Variants in CDH12 observed in about 807,000 individuals in gnomAD.
CDH12 encodes cadherin-12.
A neutral mutation model predicts 74.1 loss-of-function variants in CDH12; 41 were observed. The ratio of observed to expected loss-of-function variants is 0.55; its 90% CI spans 0.43 to 0.72. CDH12 has a LOEUF of 0.72. Ranked by LOEUF, CDH12 falls within the 30% of genes least tolerant of loss-of-function variation. CDH12 has a pLI of 0.00. For synonymous variants in CDH12, 399 were observed against 355.0 expected (o/e 1.12, Z -1.39); for missense variants, 945 against 977.2 (o/e 0.97, Z 0.44).
intron 1 of CDH12, among the ~76,000 whole-genome samples, chr5:22,525,936 A>G (rs1192231544): frequency 4.6e-5 from 7 of 152,172 alleles, no homozygotes; most frequent in African/African-American, 1.7e-4. Flanking sequence ...ATATTAGTAG[A>G]CAGAAACTTA....
chr5:22,737,169 C>T (rs1156723693), intron 1 of CDH12, among the ~76,000 whole-genome samples: 1 of 151,850 alleles, frequency 6.6e-6, no homozygotes, highest in East Asian at 1.9e-4. Flanking sequence ...TAGATATCTT[C>T]TTGTACCACG....
chr5:21,752,765 AGAAG>A (rs1158799271), intron 14 of CDH12, among the ~76,000 whole-genome samples: 4 of 151,902 alleles, frequency 2.6e-5, no homozygotes, highest in Non-Finnish European at 4.4e-5. Flanking sequence ...AAGAAAGGAA[AGAAG>A]GAAGGAAGTA....
At chr5:21,795,765 C>T (rs1249893455) in intron 10 of CDH12, among the ~76,000 whole-genome samples, 3 of 151,966 alleles carry the variant, frequency 2.0e-5, no homozygotes, top group African/African-American at 7.2e-5. Flanking sequence ...TTTCTTCTCT[C>T]TCCCAAAGTG....
At chr5:22,622,392 A>T (rs1301080725) in intron 1 of CDH12, among the ~76,000 whole-genome samples, 1 of 152,088 alleles carries the variant, frequency 6.6e-6, no homozygotes, top group African/African-American at 2.4e-5. Context: ...AATGAGGAGG[A>T]AGCTGGGAAC....
chr5:22,501,784 T>C (rs1736160935), intron 2 of CDH12, among the ~76,000 whole-genome samples: 1 of 152,050 alleles, frequency 6.6e-6, no homozygotes, highest in South Asian at 2.1e-4. Context: ...CAATTCATTT[T>C]TTGAACCCTA....
At chr5:22,214,453 G>A (rs1482961163) in intron 3 of CDH12, among the ~76,000 whole-genome samples, 2 of 152,260 alleles carry the variant, frequency 1.3e-5, no homozygotes, top group East Asian at 3.9e-4. Context: ...TGCACCTTGA[G>A]CATAAATTGT....
intron 1 of CDH12, among the ~76,000 whole-genome samples, chr5:22,702,250 C>T (rs550422639): frequency 6.6e-6 from 1 of 152,194 alleles, no homozygotes; most frequent in African/African-American, 2.4e-5. Flanking sequence ...ACTCCCAGCT[C>T]CATTCCTTAG....
At chr5:22,343,898 A>G (rs1182258494) in intron 3 of CDH12, among the ~76,000 whole-genome samples, 1 of 152,216 alleles carries the variant, frequency 6.6e-6, no homozygotes, top group East Asian at 1.9e-4. Flanking sequence ...TTACCCTAGC[A>G]TATGTTGTAG....
intron 4 of CDH12, among the ~76,000 whole-genome samples, chr5:22,089,205 A>G (rs1362150360): frequency 6.6e-6 from 1 of 152,196 alleles, no homozygotes. Flanking sequence ...CCAATTCACT[A>G]AGAGATAAAT....
At chr5:22,136,625 A>C (rs1371502627) in intron 4 of CDH12, among the ~76,000 whole-genome samples, 1 of 151,094 alleles carries the variant, frequency 6.6e-6, no homozygotes, top group Non-Finnish European at 1.5e-5. Flanking sequence ...CACATACAAA[A>C]GTCTAATATG....
intron 3 of CDH12, among the ~76,000 whole-genome samples, chr5:22,224,100 G>A (rs1359418463): frequency 5.9e-5 from 9 of 151,918 alleles, no homozygotes; most frequent in Non-Finnish European, 1.2e-4. Context: ...AATTATCTTA[G>A]GGCAACTTTC....
intron 1 of CDH12, among the ~76,000 whole-genome samples, chr5:22,532,177 G>A (rs948170982): frequency 4.0e-5 from 6 of 150,692 alleles, no homozygotes; most frequent in African/African-American, 9.8e-5. Context: ...TTGGATGCTC[G>A]CCCTGGCACA....
chr5:22,116,755 T>C (rs1461271825), intron 4 of CDH12, among the ~76,000 whole-genome samples: 1 of 151,958 alleles, frequency 6.6e-6, no homozygotes, highest in Non-Finnish European at 1.5e-5. Context: ...ATATAATAAA[T>C]GGTGTTTTAA....
intron 4 of CDH12, chr5:22,144,059 G>A (rs1386476493): frequency 6.6e-6 from 1 of 151,998 alleles, no homozygotes; most frequent in Admixed American, 6.6e-5. Context: ...TCTAACATCT[G>A]TATATTTTTA....
intron 3 of CDH12, among the ~76,000 whole-genome samples, chr5:22,358,710 CTTAACTAAA>C (rs1740670878): frequency 6.6e-6 from 1 of 152,108 alleles, no homozygotes; most frequent in African/African-American, 2.4e-5. Context: ...TCATGTAGAG[CTTAACTAAA>C]TATGTGATTT....
intron 5 of CDH12, among the ~76,000 whole-genome samples, chr5:21,978,715 T>C (rs1474700371): frequency 6.6e-6 from 1 of 152,164 alleles, no homozygotes; most frequent in East Asian, 1.9e-4. Context: ...GGGCACTCTG[T>C]ATTCCTTCAT....
At chr5:22,771,502 G>A (rs1048207643) in intron 1 of CDH12, among the ~76,000 whole-genome samples, 1 of 151,634 alleles carries the variant, frequency 6.6e-6, no homozygotes, top group South Asian at 2.1e-4. Flanking sequence ...AAAGGATGGG[G>A]ATAAACATCA....
intron 3 of CDH12, among the ~76,000 whole-genome samples, chr5:22,392,067 A>C (rs1467638402): frequency 6.6e-6 from 1 of 152,126 alleles, no homozygotes; most frequent in African/African-American, 2.4e-5. Flanking sequence ...ATAGAGGGAT[A>C]TTTATTCTGG....
rs114113213 is a variant in CDH12, at chr5:21,922,414, C to T, written c.526+52677G>A. 5.3e-3 allele frequency among the ~76,000 whole-genome samples: 811 copies of T among 152,100 alleles called. 7 individuals are homozygous for T. The highest frequency in any genetic ancestry group is 0.018 in the African/African-American group (761 of 41,490). ...GCTAAAATTATTTCCTTTACAAAAA[C>T]GCTGAATTATGGGTCATCAAACCTA... On this transcript the variant is annotated intron_variant, in intron 6 of 14. Coordinates refer to ENST00000382254, the MANE Select transcript of CDH12 (RefSeq NM_004061.5).
Sources: gnomAD v4.1 joint callset for allele counts (sites outside exome capture counted in the v4.1 genomes callset) on GRCh38, gnomAD v4.1.1 for gene constraint, MANE v1.5 for transcripts, NCBI Gene and HGNC (gene_info 2026-07-23, HGNC 2026-07-21) for gene names.